Variants in SPAG16 observed in about 807,000 individuals in gnomAD.
The protein encoded by SPAG16 is sperm-associated antigen 16 protein.
A neutral mutation model predicts 80.4 loss-of-function variants in SPAG16; 86 were observed. The observed-to-expected ratio is 1.07, with a 90% CI of 0.90 to 1.28. The LOEUF (loss-of-function observed/expected upper bound fraction) is 1.28. SPAG16 is among the 50% of genes most tolerant of loss of function. The pLI, the probability that SPAG16 is intolerant of heterozygous loss-of-function variation, is 0.00. For missense variants in SPAG16, 870 were observed against 765.3 expected, an observed-to-expected ratio of 1.14 and a Z score of -1.61; for synonymous variants, 294 against 265.9, an observed-to-expected ratio of 1.11 and a Z score of -1.03.
chr2:213,847,515 T>A (rs1220306709), intron 10 of SPAG16, among the ~76,000 whole-genome samples: 2 of 152,104 alleles, frequency 1.3e-5, no homozygotes, highest in Non-Finnish European at 2.9e-5. Context: ...AGATCTCATG[T>A]GAACTAAGAG....
At chr2:213,923,071 A>T (rs2078298164) in intron 11 of SPAG16, among the ~76,000 whole-genome samples, 1 of 151,154 alleles carries the variant, frequency 6.6e-6, no homozygotes, top group African/African-American at 2.4e-5. Context: ...GCCTACCCTG[A>T]CCTCCTGGTG....
At chr2:213,479,851 A>C (rs755936327) in intron 9 of SPAG16, among the ~76,000 whole-genome samples, 17 of 152,210 alleles carry the variant, frequency 1.1e-4, no homozygotes, top group Non-Finnish European at 1.8e-4. Context: ...GGGATAAAGA[A>C]AGATCAAGAA....
chr2:213,701,273 A>T (rs1312128365), intron 10 of SPAG16, among the ~76,000 whole-genome samples: 1 of 152,110 alleles, frequency 6.6e-6, no homozygotes, highest in Non-Finnish European at 1.5e-5. Context: ...AAATAAGATG[A>T]TCTTATAGGA....
intron 15 of SPAG16, among the ~76,000 whole-genome samples, chr2:214,369,380 G>A (rs1012445950): frequency 1.3e-5 from 2 of 151,994 alleles, no homozygotes; most frequent in African/African-American, 2.4e-5. Flanking sequence ...TTTCTTGTCC[G>A]TAAAATGAAG....
chr2:214,239,772 A>G (rs148780983), intron 15 of SPAG16: 1 of 152,150 alleles, frequency 6.6e-6, no homozygotes. Flanking sequence ...AGAATCCTGG[A>G]GAGGAAAGTT....
At chr2:213,770,000 T>A (rs1436550665) in intron 10 of SPAG16, among the ~76,000 whole-genome samples, 1 of 152,202 alleles carries the variant, frequency 6.6e-6, no homozygotes, top group East Asian at 1.9e-4. Context: ...AAGCACACAA[T>A]ATGTACTGTT....
At chr2:214,165,216 G>A (rs1229989731) in intron 15 of SPAG16, among the ~76,000 whole-genome samples, 1 of 151,912 alleles carries the variant, frequency 6.6e-6, no homozygotes. Context: ...TGCATTTTAG[G>A]GGGAAAACTA....
intron 10 of SPAG16, among the ~76,000 whole-genome samples, chr2:213,718,886 G>A (rs940578243): frequency 5.3e-5 from 8 of 152,176 alleles, no homozygotes; most frequent in Non-Finnish European, 1.0e-4. Flanking sequence ...AGCACACGGC[G>A]CAGGACTGGC....
At chr2:213,683,558 A>G (rs1011621636) in intron 10 of SPAG16, among the ~76,000 whole-genome samples, 19 of 152,170 alleles carry the variant, frequency 1.2e-4, no homozygotes, top group African/African-American at 3.4e-4. Context: ...CTCCAAAAAA[A>G]AAAAAGATAC....
intron 10 of SPAG16, among the ~76,000 whole-genome samples, chr2:213,844,400 C>A (rs1308545450): frequency 6.6e-6 from 1 of 152,122 alleles, no homozygotes; most frequent in African/African-American, 2.4e-5. Flanking sequence ...ACAGTGATTT[C>A]GGTTATCTAG....
intron 9 of SPAG16, among the ~76,000 whole-genome samples, chr2:213,449,083 C>T (rs542446608): frequency 8.5e-5 from 13 of 152,112 alleles, no homozygotes; most frequent in African/African-American, 3.1e-4. Context: ...GAATGTGTTC[C>T]TGGGGGGAGG....
chr2:214,224,652 T>C (rs1295196473), intron 15 of SPAG16, among the ~76,000 whole-genome samples: 3 of 152,168 alleles, frequency 2.0e-5, no homozygotes, highest in Admixed American at 2.0e-4. Context: ...TGTTGTTGGA[T>C]AAAAAATGGT....
intron 10 of SPAG16, among the ~76,000 whole-genome samples, chr2:213,510,554 C>T (rs536296426): frequency 6.6e-6 from 1 of 152,042 alleles, no homozygotes; most frequent in Non-Finnish European, 1.5e-5. Flanking sequence ...ATATTTGACT[C>T]GGATATATGT....
chr2:214,007,150 A>C (rs1224681687), intron 12 of SPAG16, among the ~76,000 whole-genome samples: 1 of 151,764 alleles, frequency 6.6e-6, no homozygotes, highest in Non-Finnish European at 1.5e-5. Flanking sequence ...ACACAAATGT[A>C]CTTATATTTA....
At chr2:213,679,468 A>G (rs2064269602) in intron 10 of SPAG16, among the ~76,000 whole-genome samples, 1 of 152,206 alleles carries the variant, frequency 6.6e-6, no homozygotes, top group African/African-American at 2.4e-5. Flanking sequence ...GACAGTAAGA[A>G]CAATTGTAAT....
At chr2:214,268,171 C>T (rs1271965569) in intron 15 of SPAG16, among the ~76,000 whole-genome samples, 1 of 151,426 alleles carries the variant, frequency 6.6e-6, no homozygotes, top group Admixed American at 6.6e-5. Flanking sequence ...AGATAACAAG[C>T]GTTGGCAAGC....
intron 12 of SPAG16, among the ~76,000 whole-genome samples, chr2:213,972,758 G>C (rs767194347): frequency 6.6e-6 from 1 of 152,026 alleles, no homozygotes; most frequent in African/African-American, 2.4e-5. Context: ...TTGTCTTCTT[G>C]TTGTTGGCTT....
chr2:213,493,020 A>G (rs544269944), intron 10 of SPAG16, among the ~76,000 whole-genome samples: 4 of 152,190 alleles, frequency 2.6e-5, no homozygotes, highest in Non-Finnish European at 4.4e-5. Flanking sequence ...AATCACAAAG[A>G]AAGAATTTGT....
intron 10 of SPAG16, among the ~76,000 whole-genome samples, chr2:213,612,936 G>A (rs2061484754): frequency 6.6e-6 from 1 of 152,124 alleles, no homozygotes; most frequent in African/African-American, 2.4e-5. Context: ...ACCTCCCAAA[G>A]TGCTGGGATT....
Sources: allele counts gnomAD v4.1 joint callset (sites outside exome capture counted in the v4.1 genomes callset), GRCh38; gene constraint gnomAD v4.1.1; transcripts MANE v1.5; gene names NCBI Gene and HGNC (gene_info 2026-07-23, HGNC 2026-07-21).